ABTB3: variants seen among roughly 807,000 people sequenced by gnomAD.
ABTB3 encodes ankyrin repeat and BTB domain containing 3, also known as ankyrin repeat- and BTB/POZ domain-containing protein 3.
chr12:107,638,101 T>C, the ABTB3 span, among the ~76,000 whole-genome samples: 15 of 152,212 alleles, frequency 9.9e-5, no homozygotes, highest in Admixed American at 9.8e-4. Flanking sequence ...AGTTTTTTAA[T>C]TAAAATGTTT....
chr12:107,327,936 C>T, the ABTB3 span, among the ~76,000 whole-genome samples: 4 of 152,274 alleles, frequency 2.6e-5, no homozygotes, highest in South Asian at 2.1e-4. Flanking sequence ...GCATAACTCC[C>T]GGAGATGTCT....
chr12:107,529,303 T>C, the ABTB3 span, among the ~76,000 whole-genome samples: 6 of 151,400 alleles, frequency 4.0e-5, no homozygotes, highest in African/African-American at 1.5e-4. Flanking sequence ...GTGATGGTGA[T>C]GATGATGATG....
the ABTB3 span, among the ~76,000 whole-genome samples, chr12:107,386,434 C>A: frequency 2.0e-5 from 3 of 152,282 alleles, no homozygotes; most frequent in South Asian, 6.2e-4. Flanking sequence ...ATAGTATATA[C>A]TCAAAAATTT....
At chr12:107,362,589 T>C in the ABTB3 span, among the ~76,000 whole-genome samples, 1 of 152,148 alleles carries the variant, frequency 6.6e-6, no homozygotes, top group South Asian at 2.1e-4. Context: ...GGTCAGGAGT[T>C]TGAGACCAGC....
At chr12:107,652,327 C>T in the ABTB3 span, among the ~76,000 whole-genome samples, 15 of 152,316 alleles carry the variant, frequency 9.8e-5, no homozygotes, top group South Asian at 3.1e-3. Flanking sequence ...GGGTGAGAAC[C>T]GCCCTTCCAG....
At chr12:107,632,500 G>A in the ABTB3 span, among the ~76,000 whole-genome samples, 2 of 152,210 alleles carry the variant, frequency 1.3e-5, no homozygotes, top group Admixed American at 6.5e-5. Flanking sequence ...TCCACTATGT[G>A]TCTGGCACTC....
At chr12:107,635,078 A>G in the ABTB3 span, 3 of 425,422 alleles carry the variant, frequency 7.1e-6, no homozygotes, top group East Asian at 3.6e-5. Flanking sequence ...CAGTGAACCC[A>G]CTAGAAATAG....
the ABTB3 span, among the ~76,000 whole-genome samples, chr12:107,643,408 A>T: frequency 2.8e-4 from 16 of 56,456 alleles, no homozygotes; most frequent in South Asian, 5.9e-4. Context: ...ATCTCAAAAA[A>T]AAAAAAAAAA....
At chr12:107,651,657 CTT>C in the ABTB3 span, 3 of 1,602,164 alleles carry the variant, frequency 1.9e-6, no homozygotes, top group South Asian at 1.1e-5. Flanking sequence ...CTAACAGACT[CTT>C]TTTGTGATTT....
At chr12:107,569,899 CG>C in the ABTB3 span, among the ~76,000 whole-genome samples, 1 of 152,206 alleles carries the variant, frequency 6.6e-6, no homozygotes, top group Non-Finnish European at 1.5e-5. Context: ...TGGCTTCCAC[CG>C]CATGGTCCAA....
At chr12:107,456,762 C>G in the ABTB3 span, among the ~76,000 whole-genome samples, 2 of 152,108 alleles carry the variant, frequency 1.3e-5, no homozygotes, top group Non-Finnish European at 2.9e-5. Context: ...GTAACTTGCT[C>G]AAGGTCACAC....
the ABTB3 span, among the ~76,000 whole-genome samples, chr12:107,603,326 C>A: frequency 1.4e-4 from 21 of 152,188 alleles, no homozygotes; most frequent in Non-Finnish European, 2.9e-4. Flanking sequence ...ATGTTTCTTA[C>A]CTGCTCTAGT....
At chr12:107,493,170 G>C in the ABTB3 span, among the ~76,000 whole-genome samples, 4 of 152,152 alleles carry the variant, frequency 2.6e-5, no homozygotes, top group South Asian at 8.3e-4. Context: ...GACCGAGGGA[G>C]CACTGGGGGG....
chr12:107,653,530 G>A, the ABTB3 span, among the ~76,000 whole-genome samples: 457 of 108,504 alleles, frequency 4.2e-3, 3 homozygotes, highest in African/African-American at 0.013. Flanking sequence ...AAAAAAAAAA[G>A]AAAGAAAGAA....
At chr12:107,443,465 T>C in the ABTB3 span, among the ~76,000 whole-genome samples, 2 of 151,828 alleles carry the variant, frequency 1.3e-5, no homozygotes, top group South Asian at 4.2e-4. Context: ...GCAAGCCAGG[T>C]GGACTTGTGA....
the ABTB3 span, among the ~76,000 whole-genome samples, chr12:107,518,347 A>T: frequency 6.6e-6 from 1 of 152,130 alleles, no homozygotes; most frequent in Non-Finnish European, 1.5e-5. Context: ...AATAGCAAAG[A>T]CTTGGAACCA....
the ABTB3 span, among the ~76,000 whole-genome samples, chr12:107,448,807 G>A: frequency 1.3e-5 from 2 of 151,902 alleles, no homozygotes; most frequent in African/African-American, 4.8e-5. Context: ...CTGGCCTCAG[G>A]TGGTCCGCCC....
the ABTB3 span, among the ~76,000 whole-genome samples, chr12:107,567,088 C>A: frequency 6.6e-6 from 1 of 152,354 alleles, no homozygotes; most frequent in Non-Finnish European, 1.5e-5. Context: ...CACTGCACTT[C>A]AGCCTGGGTG....
chr12:107,325,409 G>A, the ABTB3 span, among the ~76,000 whole-genome samples: 4 of 152,214 alleles, frequency 2.6e-5, no homozygotes, highest in Admixed American at 2.6e-4. Context: ...GCCAGCTGTA[G>A]CAGTATCTGT....
Sources: allele counts gnomAD v4.1 joint callset (sites outside exome capture counted in the v4.1 genomes callset), GRCh38; gene constraint gnomAD v4.1.1; transcripts MANE v1.5; gene names NCBI Gene and HGNC (gene_info 2026-07-23, HGNC 2026-07-21).